MOSMO: variants seen among roughly 807,000 people sequenced by gnomAD.
MOSMO encodes modulator of smoothened.
In MOSMO, 5 loss-of-function variants were observed where a neutral mutation model predicts 18.4. The observed-to-expected ratio is 0.27, with a 90% CI of 0.14 to 0.57. The LOEUF (loss-of-function observed/expected upper bound fraction) is 0.57, where lower values mean the gene tolerates loss of function less well. Ranked by LOEUF, MOSMO falls within the 20% of genes least tolerant of loss-of-function variation. MOSMO has a pLI of 0.92. For missense variants in MOSMO, 138 were observed against 211.8 expected, an observed-to-expected ratio of 0.65 and a Z score of 2.16; for synonymous variants, 82 against 82.3, an observed-to-expected ratio of 1.00 and a Z score of 0.02.
intron 1 of MOSMO, among the ~76,000 whole-genome samples, chr16:22,069,284 TATAA>T: frequency 6.6e-6 from 1 of 152,130 alleles, no homozygotes; most frequent in East Asian, 1.9e-4. Context: ...GTGTGTATAA[TATAA>T]GGAGATATAT....
intron 1 of MOSMO, among the ~76,000 whole-genome samples, chr16:22,048,594 G>A (rs997431579): frequency 2.6e-4 from 39 of 152,070 alleles, no homozygotes; most frequent in African/African-American, 8.9e-4. Context: ...ATCTTTTGAG[G>A]TTTTAAATTT....
At chr16:22,056,108 T>C (rs1598016342) in intron 1 of MOSMO, among the ~76,000 whole-genome samples, 1 of 152,052 alleles carries the variant, frequency 6.6e-6, no homozygotes, top group African/African-American at 2.4e-5. Context: ...AACCTTGGGG[T>C]ATATTCCTGC....
downstream of MOSMO, chr16:22,092,406 G>T (rs1901358516): frequency 2.2e-6 from 1 of 459,104 alleles, no homozygotes; most frequent in Non-Finnish European, 4.0e-6. Flanking sequence ...GGGAGAAGTG[G>T]TTATCAACAA....
intron 1 of MOSMO, among the ~76,000 whole-genome samples, chr16:22,028,179 A>G (rs1011497648): frequency 1.1e-4 from 16 of 152,140 alleles, no homozygotes; most frequent in Non-Finnish European, 2.4e-4. Flanking sequence ...TTTTCAGAAT[A>G]TAATCATTAT....
At chr16:22,056,402 G>A (rs1340074754) in intron 1 of MOSMO, among the ~76,000 whole-genome samples, 4 of 101,240 alleles carry the variant, frequency 4.0e-5, no homozygotes, top group South Asian at 3.4e-4. Context: ...AGACAGTTTC[G>A]CTCTTGTCGC....
intron 1 of MOSMO, among the ~76,000 whole-genome samples, chr16:22,035,023 G>A (rs557279354): frequency 5.3e-5 from 8 of 152,014 alleles, no homozygotes; most frequent in African/African-American, 1.4e-4. Context: ...TGTGAGCCAC[G>A]GCGCCTGGCC....
intron 1 of MOSMO, among the ~76,000 whole-genome samples, chr16:22,069,281 TA>T (rs1448542460): frequency 6.6e-6 from 1 of 152,130 alleles, no homozygotes; most frequent in East Asian, 1.9e-4. Flanking sequence ...GGGGTGTGTA[TA>T]ATATAAGGAG....
At chr16:22,067,711 T>G (rs1006038435) in intron 1 of MOSMO, among the ~76,000 whole-genome samples, 1 of 152,006 alleles carries the variant, frequency 6.6e-6, no homozygotes, top group Non-Finnish European at 1.5e-5. Flanking sequence ...GAAACATCTC[T>G]ACTAAAAATA....
At chr16:22,061,144 G>A (rs187067832) in intron 1 of MOSMO, among the ~76,000 whole-genome samples, 1 of 152,070 alleles carries the variant, frequency 6.6e-6, no homozygotes, top group Admixed American at 6.5e-5. Context: ...GCTTGGGGGA[G>A]GAGGCTAACT....
chr16:22,020,278 A>T (rs1597997280), intron 1 of MOSMO, among the ~76,000 whole-genome samples: 1 of 144,984 alleles, frequency 6.9e-6, no homozygotes. Context: ...CTATATAATC[A>T]TTCCTGACTT....
intron 1 of MOSMO, among the ~76,000 whole-genome samples, chr16:22,009,819 A>G (rs940865797): frequency 6.9e-6 from 1 of 144,314 alleles, no homozygotes; most frequent in Non-Finnish European, 1.5e-5. Context: ...AAAAAAAAAA[A>G]AAAAAAAAAA....
chr16:22,031,653 T>C (rs1303659106), intron 1 of MOSMO, among the ~76,000 whole-genome samples: 1 of 152,246 alleles, frequency 6.6e-6, no homozygotes, highest in Non-Finnish European at 1.5e-5. Context: ...CTTAGCATAA[T>C]GTCAAGGTTC....
chr16:22,081,944 T>A lies in MOSMO; in HGVS notation c.*1064T>A, dbSNP rs1661864677. Reference sequence around the variant, plus strand: ...TTGTATATGATAGTAGAAGGTAAGATCATGTCAAACCTTATAATTTGGGGA... The same window carrying A: ...TTGTATATGATAGTAGAAGGTAAGAACATGTCAAACCTTATAATTTGGGGA... On this transcript the variant is annotated 3_prime_UTR_variant, in exon 3 of 3. Coordinates refer to ENST00000542527, the MANE Select transcript of MOSMO (RefSeq NM_001164579.2). 1 of 152,148 alleles carries A rather than the reference T, an allele frequency of 6.6e-6. No homozygotes were observed. The highest frequency in any genetic ancestry group is 1.5e-5 in the Non-Finnish European group (1 of 68,024). The allele number at this position is 152,148 out of a possible 1,614,324, so 9.4% of individuals were successfully genotyped here. A position where few individuals can be genotyped will look rare whatever the true frequency, so the allele number is the denominator to read the frequency against.
chr16:22,008,321 T>C lies in MOSMO; in HGVS notation c.20T>C (p.Ile7Thr). Residue 7 changes from isoleucine (I) to threonine (T), a missense_variant, in exon 1 of 3, where the codon ATC becomes ACC. Physicochemically the swap from Ile to Thr is moderately conservative, Grantham distance 89. Coordinates refer to ENST00000542527, the MANE Select transcript of MOSMO (RefSeq NM_001164579.2). MDKLTI[I>T]SGCLFLAADI... ...GGGGAGATGGATAAACTGACCATCA[T>C]CTCAGGATGTCTCTTTCTGGCCGCC... 6.5e-7 allele frequency: 1 copy of C among 1,532,096 alleles called. No homozygotes were observed. Among genetic ancestry groups the C allele is most frequent in the South Asian group, 1.2e-5 (1 of 83,808 alleles). 94.9% of individuals were successfully genotyped at this position (1,532,096 alleles called of 1,614,324 possible).
At chr16:22,052,952 T>C (rs79542924) in intron 1 of MOSMO, among the ~76,000 whole-genome samples, 2 of 129,456 alleles carry the variant, frequency 1.5e-5, no homozygotes, top group African/African-American at 5.7e-5. Flanking sequence ...TCTCATCTTC[T>C]TTTTTTTTTT....
chr16:22,026,640 C>T (rs767869047), intron 1 of MOSMO, among the ~76,000 whole-genome samples: 12 of 152,066 alleles, frequency 7.9e-5, no homozygotes, highest in Admixed American at 1.3e-4. Context: ...GTGCTTTTTA[C>T]GTGAAATAGC....
intron 1 of MOSMO, among the ~76,000 whole-genome samples, chr16:22,055,609 A>T (rs1900517111): frequency 6.6e-6 from 1 of 152,232 alleles, no homozygotes; most frequent in South Asian, 2.1e-4. Flanking sequence ...TGCAGTACTC[A>T]GAATCACTCC....
intron 1 of MOSMO, among the ~76,000 whole-genome samples, chr16:22,058,425 C>CAAA (rs924395309): frequency 1.8e-5 from 1 of 56,738 alleles, no homozygotes; most frequent in Non-Finnish European, 3.7e-5. Context: ...GACTCCGTCT[C>CAAA]AAAAAAAAAA....
At chr16:22,044,330 C>T (rs1900266603) in intron 1 of MOSMO, among the ~76,000 whole-genome samples, 1 of 152,184 alleles carries the variant, frequency 6.6e-6, no homozygotes, top group African/African-American at 2.4e-5. Flanking sequence ...AACCTGTCAA[C>T]ATTAATAATA....
Sources: allele counts gnomAD v4.1 joint callset (sites outside exome capture counted in the v4.1 genomes callset), GRCh38; gene constraint gnomAD v4.1.1; transcripts MANE v1.5; gene names NCBI Gene and HGNC (gene_info 2026-07-23, HGNC 2026-07-21).